Variants in MRPS22 observed in about 807,000 individuals in gnomAD.
MRPS22 encodes mitochondrial ribosomal protein S22, also known as small ribosomal subunit protein mS22.
A neutral mutation model predicts 44.0 loss-of-function variants in MRPS22; 30 were observed. The observed-to-expected ratio is 0.68, with a 90% CI of 0.51 to 0.93. The LOEUF (loss-of-function observed/expected upper bound fraction) is 0.93, where lower values mean the gene tolerates loss of function less well. MRPS22 is among the 40% of genes least tolerant of loss of function. MRPS22 has a pLI of 0.00. For synonymous variants in MRPS22, 165 were observed against 154.4 expected (o/e 1.07, Z -0.51); for missense variants, 447 against 447.8 (o/e 1.00, Z 0.02).
At chr3:139,347,123 T>C in intron 2 of MRPS22, 79 bp downstream of exon 2, 1 of 1,463,910 alleles carries the variant, frequency 6.8e-7, no homozygotes, top group South Asian at 1.1e-5. Flanking sequence ...CTCCAGATGC[T>C]TATAGCTATT....
intron 7 of MRPS22, 23 bp from the exon 8 acceptor site, chr3:139,356,896 A>C (rs1174726475): frequency 6.4e-7 from 1 of 1,564,716 alleles, no homozygotes; most frequent in Admixed American, 1.7e-5. Context: ...ATTGTTTTAA[A>C]ATTTTCTTTT....
At chr3:139,356,655 T>C (rs927671211) in intron 7 of MRPS22, among the ~76,000 whole-genome samples, 1 of 152,222 alleles carries the variant, frequency 6.6e-6, no homozygotes, top group African/African-American at 2.4e-5. Context: ...GAAGGAAGTA[T>C]TAATATTAAT....
Position 139,344,191 on chromosome 3 carries a change from C to T in MRPS22, c.165C>T (p.Ser55=), listed in dbSNP as rs1177728468. ...GGCTGCCACGCCGCCGGTTCAGCTC[C>T]GAGGCCGGTAAGTGACCTTCCGGAC... The part of the protein sequence containing the change: ...EMGLPRRRFS[S]EAAESGSPET... Residue 55 remains serine, a synonymous_variant, in exon 1 of 8, where the codon TCC becomes TCT. Coordinates refer to ENST00000680020, the MANE Select transcript of MRPS22 (RefSeq NM_020191.4). The T allele has an allele frequency of 3.1e-6, 5 of 1,608,404 alleles. No individual in the cohort carries two copies. Among genetic ancestry groups the T allele is most frequent in the Admixed American group, 3.4e-5 (2 of 59,400 alleles).
intron 3 of MRPS22, 50 bp downstream of exon 3, chr3:139,348,374 G>A (rs770739914): frequency 6.3e-7 from 1 of 1,584,206 alleles, no homozygotes; most frequent in Non-Finnish European, 8.6e-7. Context: ...ATACTATGTG[G>A]AGAAGGGCTT....
chr3:139,348,594 C>T (rs1303867925), intron 3 of MRPS22: 1 of 400,960 alleles, frequency 2.5e-6, no homozygotes, highest in Non-Finnish European at 4.6e-6. Context: ...CAGATACAGA[C>T]AGAAACCCAT....
intron 1 of MRPS22, among the ~76,000 whole-genome samples, chr3:139,345,007 C>G (rs1162506520): frequency 6.6e-6 from 1 of 151,944 alleles, no homozygotes; most frequent in Non-Finnish European, 1.5e-5. Context: ...TGAGGAACAT[C>G]GGAGTAAAAA....
chr3:139,348,120 A>C lies in MRPS22; in HGVS notation c.340-40A>C, dbSNP rs759508619. The C allele has an allele frequency of 2.2e-5, 35 of 1,603,002 alleles. 1 individual carries two copies. The highest frequency in any genetic ancestry group is 3.3e-4 in the Middle Eastern group (2 of 6,040). On this transcript the variant is annotated intron_variant, in intron 2 of 7. Coordinates refer to ENST00000680020, the MANE Select transcript of MRPS22 (RefSeq NM_020191.4). The stretch of plus-strand genomic sequence containing the variant: ...TTGTCAGATGATCCTTATATTATGT[A>C]ACCTTGTGGCTTTCCTTAATAAATA...
chr3:139,354,911 C>T (rs548164879), intron 6 of MRPS22, among the ~76,000 whole-genome samples: 1 of 152,220 alleles, frequency 6.6e-6, no homozygotes, highest in South Asian at 2.1e-4. Context: ...AAAGTGTCAG[C>T]TGTGTGAAAA....
chr3:139,350,151 C>T (rs763435585), intron 3 of MRPS22, 28 bp from the exon 4 acceptor site: 9 of 1,613,756 alleles, frequency 5.6e-6, no homozygotes, highest in Non-Finnish European at 6.8e-6. Context: ...CTCACAAACG[C>T]ATCCTTGATT....
chr3:139,346,862 C>CTA lies in MRPS22; in HGVS notation c.173-15_173-14dup, dbSNP rs863224076. 7.4e-5 allele frequency: 120 copies of CTA among 1,613,926 alleles called. No homozygotes were observed. The highest frequency in any genetic ancestry group is 6.6e-4 in the Middle Eastern group (4 of 6,060). The stretch of plus-strand genomic sequence containing the variant: ...GTCATTTTTGTCAGCTTCTTATTTA[C>CTA]TAAAGTCCATTTTAGCAGAATCTGG... On this transcript the variant is annotated splice_polypyrimidine_tract_variant and intron_variant, in intron 1 of 7. Coordinates refer to ENST00000680020, the MANE Select transcript of MRPS22 (RefSeq NM_020191.4).
At chr3:139,344,234 TCTG>T in intron 1 of MRPS22, 36 bp downstream of exon 1, 2 of 1,569,814 alleles carry the variant, frequency 1.3e-6, no homozygotes, top group South Asian at 2.3e-5. Context: ...GGGGCGTTCT[TCTG>T]GGAGACGTAG....
chr3:139,351,010 C>T lies in MRPS22; in HGVS notation c.682C>T (p.Leu228Phe). ...TAGCCAGGACAGGCATGTTGATGTC[C>T]TCAATCTCTGCTTTGCCCAGTTTGA... Reference protein sequence around the residue: ...MYSQDRHVDVLNLCFAQFEPD... With the variant: ...MYSQDRHVDVFNLCFAQFEPD... The change falls in exon 5 of 8, where the codon CTC (leucine) becomes TTC (phenylalanine). Residue 228 changes from leucine (L) to phenylalanine (F), a missense_variant. Physicochemically the swap from Leu to Phe is conservative, Grantham distance 22 (BLOSUM62 0). Coordinates refer to ENST00000680020, the MANE Select transcript of MRPS22 (RefSeq NM_020191.4). 6.2e-7 allele frequency: 1 copy of T among 1,614,088 alleles called. No individual in the cohort carries two copies. The highest frequency in any genetic ancestry group is 8.5e-7 in the Non-Finnish European group (1 of 1,179,980).
intron 1 of MRPS22, among the ~76,000 whole-genome samples, chr3:139,345,438 G>GTTTTT (rs55710231): frequency 7.4e-5 from 9 of 121,636 alleles, no homozygotes; most frequent in African/African-American, 2.7e-4. Flanking sequence ...TGCCAGTGGT[G>GTTTTT]TTTTTTTTTT....
intron 3 of MRPS22, chr3:139,349,275 C>A: frequency 4.7e-6 from 2 of 426,926 alleles, no homozygotes; most frequent in Non-Finnish European, 9.1e-6. Flanking sequence ...CAAAATCCTT[C>A]TGAGGAAAAA....
At chr3:139,355,846 T>C (rs956105708) in intron 7 of MRPS22, 56 bp downstream of exon 7, 2 of 1,303,250 alleles carry the variant, frequency 1.5e-6, no homozygotes, top group African/African-American at 2.9e-5. Context: ...CTGGGAAAAA[T>C]TCAGAATTGG....
intron 6 of MRPS22, among the ~76,000 whole-genome samples, chr3:139,354,780 G>A (rs2107791437): frequency 6.6e-6 from 1 of 152,270 alleles, no homozygotes; most frequent in East Asian, 1.9e-4. Context: ...GGTGTCCTCA[G>A]CCCTCCATTC....
At chr3:139,352,531 G>GTT in intron 5 of MRPS22, 116 bp from the exon 6 acceptor site, 1 of 876,578 alleles carries the variant, frequency 1.1e-6, no homozygotes, top group South Asian at 1.4e-5. Context: ...GGAGGCAACT[G>GTT]TAAGTAGACC....
Position 139,352,779 on chromosome 3 carries a change from A to T in MRPS22, c.865A>T (p.Ile289Phe), listed in dbSNP as rs772835214. 1.9e-5 allele frequency: 31 copies of T among 1,613,362 alleles called. No individual in the cohort carries two copies. Among genetic ancestry groups the T allele is most frequent in the Non-Finnish European group, 2.6e-5 (31 of 1,179,544 alleles). ...KKIDGLLIDQ[I>F]QRDLIDDATN... is the part of the protein sequence containing the mutation. Reference sequence around the variant, plus strand: ...GATTGATGGTTTGCTGATTGACCAGATTCAGAGAGATTTGTAAGTATGATC... The same window carrying T: ...GATTGATGGTTTGCTGATTGACCAGTTTCAGAGAGATTTGTAAGTATGATC... Residue 289 changes from isoleucine to phenylalanine, a missense_variant, in exon 6 of 8, where the codon ATT (isoleucine) becomes TTT (phenylalanine). Ile to Phe is a conservative substitution (Grantham distance 21). Transcript: ENST00000680020.
At position 139,352,740 on chromosome 3, in the gene MRPS22, G is replaced by C; in HGVS notation, c.826G>C (p.Val276Leu). 6.2e-7 allele frequency: 1 copy of C among 1,613,708 alleles called. No individual in the cohort carries two copies. The highest frequency in any genetic ancestry group is 1.1e-5 in the South Asian group (1 of 91,068). The change falls in exon 6 of 8, where the codon GTA becomes CTA. Residue 276 changes from valine to leucine, a missense_variant. Coordinates refer to ENST00000680020, the MANE Select transcript of MRPS22 (RefSeq NM_020191.4). ...RYFGGMVWYF[V>L]NNKKIDGLLI... ...CTTTGGTGGAATGGTGTGGTATTTT[G>C]TAAATAATAAAAAGATTGATGGTTT...
Sources: gnomAD v4.1 joint callset for allele counts (sites outside exome capture counted in the v4.1 genomes callset) on GRCh38, gnomAD v4.1.1 for gene constraint, MANE v1.5 for transcripts, NCBI Gene and HGNC (gene_info 2026-07-23, HGNC 2026-07-21) for gene names.